Variants in SCOC observed in about 807,000 individuals in gnomAD.
The protein encoded by SCOC is short coiled coil protein.
A neutral mutation model predicts 9.9 loss-of-function variants in SCOC; 7 were observed. That is an observed-to-expected ratio of 0.71 (90% CI 0.40 to 1.33). The LOEUF (loss-of-function observed/expected upper bound fraction) is 1.33, where lower values mean the gene tolerates loss of function less well. Among genes scored for constraint, SCOC ranks in the 40% most tolerant of loss-of-function variants. The pLI is 0.01. For synonymous variants in SCOC, 19 were observed against 28.2 expected (o/e 0.67, Z 1.03); for missense variants, 66 against 89.7 (o/e 0.74, Z 1.07).
At chr4:140,373,578 C>T (rs756402368), upstream of SCOC, 18 of 1,551,538 alleles carry the variant, frequency 1.2e-5, no homozygotes, top group African/African-American at 1.1e-4. Flanking sequence ...GGCGGGCGAG[C>T]GGCTGGGACG....
At chr4:140,265,015 C>T (rs918774464) in intron 1 of SCOC, among the ~76,000 whole-genome samples, 3 of 151,828 alleles carry the variant, frequency 2.0e-5, no homozygotes, top group Admixed American at 6.6e-5. Context: ...TATGCCTGGG[C>T]GTGAATATAT....
At chr4:140,258,928 G>A (rs1730569750) in intron 1 of SCOC, among the ~76,000 whole-genome samples, 1 of 152,222 alleles carries the variant, frequency 6.6e-6, no homozygotes, top group Non-Finnish European at 1.5e-5. Flanking sequence ...CTGAGCCAGA[G>A]TATTTTCACT....
intron 1 of SCOC, among the ~76,000 whole-genome samples, chr4:140,326,238 C>T (rs997949629): frequency 1.8e-4 from 27 of 152,046 alleles, no homozygotes; most frequent in African/African-American, 5.3e-4. Context: ...CATGATGAAA[C>T]GGTTCTATAC....
At chr4:140,278,459 C>A (rs1016466005) in intron 1 of SCOC, among the ~76,000 whole-genome samples, 4 of 152,132 alleles carry the variant, frequency 2.6e-5, no homozygotes, top group African/African-American at 9.7e-5. Context: ...GCCACCACGC[C>A]TGGCTAATTT....
chr4:140,263,460 T>C (rs952580659), intron 1 of SCOC, among the ~76,000 whole-genome samples: 1 of 152,170 alleles, frequency 6.6e-6, no homozygotes, highest in Admixed American at 6.5e-5. Context: ...GCAGAGCAGC[T>C]GTGGGTGAGA....
chr4:140,353,413 C>CT (rs1158574514), intron 2 of SCOC, among the ~76,000 whole-genome samples: 3,571 of 145,538 alleles, frequency 0.025, 64 homozygotes, highest in South Asian at 0.081. Context: ...TTTTCTTTTT[C>CT]TTTTTTTTTT....
At chr4:140,285,078 C>T (rs1480822685) in intron 1 of SCOC, 1 of 429,680 alleles carries the variant, frequency 2.3e-6, no homozygotes, top group African/African-American at 2.0e-5. Flanking sequence ...ATTTCCCTCA[C>T]AACAACAGAT....
At chr4:140,278,906 A>G (rs190743666) in intron 1 of SCOC, among the ~76,000 whole-genome samples, 3 of 138,270 alleles carry the variant, frequency 2.2e-5, no homozygotes, top group African/African-American at 8.1e-5. Context: ...AACAGAACCA[A>G]TCATGTCGTC....
chr4:140,266,212 G>T (rs1730726369), intron 1 of SCOC, among the ~76,000 whole-genome samples: 2 of 152,216 alleles, frequency 1.3e-5, no homozygotes. Flanking sequence ...CCTAGAAGAT[G>T]ATTGTGTTGC....
At chr4:140,351,040 A>G (rs1726953022) in intron 2 of SCOC, among the ~76,000 whole-genome samples, 1 of 151,630 alleles carries the variant, frequency 6.6e-6, no homozygotes, top group South Asian at 2.1e-4. Context: ...AAAAAAAAAA[A>G]TTAGCTGAGC....
rs994222475 is a variant in SCOC, at chr4:140,275,717, C to T, written c.-19+18307C>T. On this transcript the variant is annotated intron_variant, in intron 1 of 4. Coordinates refer to the SCOC transcript ENST00000394205. Reference sequence around the variant, plus strand: ...AGCAGACATAAGTCCTTAATAAATACGTATTGAGGGATTGATGCTTAAATT... The same window carrying T: ...AGCAGACATAAGTCCTTAATAAATATGTATTGAGGGATTGATGCTTAAATT... Among the ~76,000 whole-genome samples, 10 of 151,734 alleles carry T rather than the reference C, an allele frequency of 6.6e-5. No individual in the cohort carries two copies. The East Asian group carries it at 7.8e-4, about 12-fold the overall frequency.
intron 1 of SCOC, among the ~76,000 whole-genome samples, chr4:140,278,451 C>A (rs1334897477): frequency 6.6e-6 from 1 of 152,134 alleles, no homozygotes; most frequent in Non-Finnish European, 1.5e-5. Context: ...GGGTGTCTGC[C>A]ACCACGCCTG....
rs766967748 is a variant in SCOC, at chr4:140,356,476, A to T, written c.70+12768A>T. 7.9e-5 allele frequency among the ~76,000 whole-genome samples: 12 copies of T among 152,184 alleles called. 1 individual carries two copies. The South Asian group carries it at 1.0e-3, about 13-fold the overall frequency. On this transcript the variant is annotated intron_variant, in intron 2 of 4. Coordinates refer to the SCOC transcript ENST00000338517. ...TTACAAAAAGTATCATTTTAAAATCATATGTTGCATGTAGCTGTCATGTCA... is the reference window on the plus strand; with the variant it reads ...TTACAAAAAGTATCATTTTAAAATCTTATGTTGCATGTAGCTGTCATGTCA...
chr4:140,375,004 A>G (rs1302265663), intron 1 of SCOC, among the ~76,000 whole-genome samples: 1 of 152,230 alleles, frequency 6.6e-6, no homozygotes, highest in African/African-American at 2.4e-5. Context: ...GGTGAAATCA[A>G]TTTTAGATGC....
chr4:140,366,200 C>T, intron 2 of SCOC: 4 of 677,094 alleles, frequency 5.9e-6, no homozygotes, highest in South Asian at 6.8e-5. Context: ...TTTTTTTTTT[C>T]CCAAATAGAA....
At chr4:140,313,701 C>A (rs1732224555) in intron 1 of SCOC, among the ~76,000 whole-genome samples, 1 of 152,122 alleles carries the variant, frequency 6.6e-6, no homozygotes, top group Non-Finnish European at 1.5e-5. Flanking sequence ...GTGGAGGCAG[C>A]CACTAAATTC....
At chr4:140,272,364 A>G (rs1038604551) in intron 1 of SCOC, among the ~76,000 whole-genome samples, 1 of 152,006 alleles carries the variant, frequency 6.6e-6, no homozygotes, top group African/African-American at 2.4e-5. Flanking sequence ...CTGTGTCATC[A>G]CTTTTATACT....
intron 2 of SCOC, 92 bp downstream of exon 2, chr4:140,379,284 G>C: frequency 1.1e-6 from 1 of 900,306 alleles, no homozygotes; most frequent in Non-Finnish European, 1.8e-6. Flanking sequence ...ACCATGTTTA[G>C]AAGACTTTGA....
intron 1 of SCOC, among the ~76,000 whole-genome samples, chr4:140,267,807 G>T (rs769212033): frequency 1.3e-5 from 2 of 152,002 alleles, no homozygotes; most frequent in Non-Finnish European, 2.9e-5. Context: ...CTGGCCTCTC[G>T]GCTCCTCCAT....
Sources: gnomAD v4.1 joint callset for allele counts (sites outside exome capture counted in the v4.1 genomes callset) on GRCh38, gnomAD v4.1.1 for gene constraint, MANE v1.5 for transcripts, NCBI Gene and HGNC (gene_info 2026-07-23, HGNC 2026-07-21) for gene names.